The following FAT3 variants were observed in gnomAD, a reference collection of about 807,000 sequenced individuals.
FAT3 encodes the protein protocadherin Fat 3.
A neutral mutation model predicts 310.2 loss-of-function variants in FAT3; 95 were observed. That is an observed-to-expected ratio of 0.31 (90% CI 0.26 to 0.36). The LOEUF is 0.36. Among genes scored for constraint, FAT3 ranks in the 10% least tolerant of loss-of-function variants. FAT3 has a pLI of 1.00. For missense variants in FAT3, 5,408 were observed against 5,715.6 expected, an observed-to-expected ratio of 0.95 and a Z score of 1.74; for synonymous variants, 2,314 against 2,192.9, an observed-to-expected ratio of 1.06 and a Z score of -1.54.
intron 4 of FAT3, among the ~76,000 whole-genome samples, chr11:92,699,968 AG>A (rs1208378397): frequency 5.3e-5 from 8 of 152,324 alleles, no homozygotes; most frequent in African/African-American, 1.7e-4. Context: ...GAAATGCAGA[AG>A]GAGCCCCAGG....
intron 3 of FAT3, among the ~76,000 whole-genome samples, chr11:92,550,785 T>TA (rs1334395266): frequency 6.6e-6 from 1 of 151,570 alleles, no homozygotes; most frequent in East Asian, 2.0e-4. Flanking sequence ...TTTTTTTTTT[T>TA]TAAAAGAGAG....
intron 3 of FAT3, among the ~76,000 whole-genome samples, chr11:92,660,915 G>A (rs1284904645): frequency 6.6e-6 from 1 of 152,146 alleles, no homozygotes; most frequent in East Asian, 1.9e-4. Context: ...TCTTCAAGGT[G>A]GTGATTTATC....
chr11:92,764,187 A>G (rs1946241376), intron 5 of FAT3, among the ~76,000 whole-genome samples: 1 of 151,900 alleles, frequency 6.6e-6, no homozygotes. Context: ...ACCACAGAGG[A>G]GAGTCATTAG....
Position 92,762,188 on chromosome 11 carries a change from C to T in FAT3, c.3984+18C>T. ...TCCTAACGGTAAGATCTTCCAAACT[C>T]CAGCAGCACAGCAGATGGGGGGAAG... On this transcript the variant is annotated intron_variant, in intron 5 of 27. Transcript: ENST00000525166. The T allele has an allele frequency of 8.1e-6, 13 of 1,596,784 alleles. No homozygotes were observed. Among genetic ancestry groups the T allele is most frequent in the Non-Finnish European group, 7.7e-6 (9 of 1,170,260 alleles).
intron 1 of FAT3, among the ~76,000 whole-genome samples, chr11:92,227,174 C>G (rs180938282): frequency 1.1e-4 from 16 of 152,334 alleles, no homozygotes; most frequent in African/African-American, 3.6e-4. Flanking sequence ...AAAACCCAAA[C>G]CACTCGTGGC....
chr11:92,386,606 GTTGT>G lies in FAT3; in HGVS notation c.3292+31204_3292+31207del, dbSNP rs1340697543. Among the ~76,000 whole-genome samples the G allele has an allele frequency of 1.1e-4, 17 of 152,342 alleles. No individual in the cohort carries two copies. In the South Asian group the frequency reaches 3.3e-3, roughly 30 times the overall value. On this transcript the variant is annotated intron_variant, in intron 2 of 27. Transcript: ENST00000525166. ...ACACATCATTAATATTCATTAGATA[GTTGT>G]TGAATGAATGGATGTCAGTCACTGC...
At chr11:92,853,486 T>A (rs1002327183) in intron 19 of FAT3, among the ~76,000 whole-genome samples, 1 of 152,008 alleles carries the variant, frequency 6.6e-6, no homozygotes, top group African/African-American at 2.4e-5. Context: ...AGGGGAGGTG[T>A]TTTTCAGCCC....
chr11:92,761,955 AAGG>A lies in FAT3; in HGVS notation c.3770_3772del (p.Lys1257_Val1258delinsIle). 6.2e-7 allele frequency: 1 copy of A among 1,613,982 alleles called. No individual in the cohort carries two copies. Among genetic ancestry groups the A allele is most frequent in the Non-Finnish European group, 8.5e-7 (1 of 1,179,872 alleles). On this transcript the variant is annotated inframe_deletion, in exon 5 of 28. Transcript: ENST00000525166. The stretch of plus-strand genomic sequence containing the variant: ...TGACAACAAGCCCCAGTTCCCAGAG[AAGG>A]TCTACCAGATCAAGCTGCCAGAACG...
At chr11:92,698,825 G>A (rs1944014567) in intron 4 of FAT3, among the ~76,000 whole-genome samples, 1 of 152,106 alleles carries the variant, frequency 6.6e-6, no homozygotes, top group African/African-American at 2.4e-5. Context: ...CCAGAAGACA[G>A]TCCAGGACAC....
In FAT3 at chr11:92,231,381, G is replaced by A. The variant is rs368955997; in HGVS notation, c.-18+6207G>A. ...CTTCCAGAATGTGAGTGAAAAGGCA[G>A]ACTTTTACCTTGGACGTTCTCTATG... On this transcript the variant is annotated intron_variant, in intron 1 of 27. Transcript: ENST00000525166. 2.6e-5 allele frequency among the ~76,000 whole-genome samples: 4 copies of A among 152,330 alleles called. No homozygotes were observed. The East Asian group carries it at 5.8e-4, about 22-fold the overall frequency.
chr11:92,426,592 A>G (rs1324339251), intron 2 of FAT3, among the ~76,000 whole-genome samples: 1 of 152,154 alleles, frequency 6.6e-6, no homozygotes, highest in Non-Finnish European at 1.5e-5. Context: ...TTTTCTACAT[A>G]TGGCTAGCCA....
chr11:92,818,748 A>G (rs893994991), intron 13 of FAT3, among the ~76,000 whole-genome samples: 2 of 152,190 alleles, frequency 1.3e-5, no homozygotes, highest in African/African-American at 4.8e-5. Flanking sequence ...GCCGACCTCA[A>G]AGCATCAGTG....
chr11:92,647,773 C>CG (rs2135747150), intron 3 of FAT3, among the ~76,000 whole-genome samples: 1 of 152,180 alleles, frequency 6.6e-6, no homozygotes, highest in East Asian at 1.9e-4. Context: ...ACCTCTGGCC[C>CG]TCTAAACAAG....
intron 3 of FAT3, among the ~76,000 whole-genome samples, chr11:92,674,620 T>A (rs1943230401): frequency 1.3e-5 from 2 of 152,068 alleles, no homozygotes; most frequent in Admixed American, 1.3e-4. Flanking sequence ...ACTCCAGGGC[T>A]CAAGTGATTC....
intron 2 of FAT3, chr11:92,400,747 A>G (rs1475257315): frequency 6.6e-6 from 1 of 152,090 alleles, no homozygotes; most frequent in African/African-American, 2.4e-5. Context: ...AATATAATAC[A>G]TAATAAAGTT....
intron 2 of FAT3, among the ~76,000 whole-genome samples, chr11:92,356,452 T>C (rs183598766): frequency 1.6e-4 from 25 of 152,306 alleles, no homozygotes; most frequent in African/African-American, 5.8e-4. Context: ...CTAGGTAGTT[T>C]AAACAACAGA....
At chr11:92,390,276 G>T (rs1446686109) in intron 2 of FAT3, among the ~76,000 whole-genome samples, 1 of 152,168 alleles carries the variant, frequency 6.6e-6, no homozygotes, top group Non-Finnish European at 1.5e-5. Context: ...TAGAAAAGGA[G>T]AGTTAGGTAG....
chr11:92,361,991 C>T (rs945785183), intron 2 of FAT3, among the ~76,000 whole-genome samples: 1 of 152,210 alleles, frequency 6.6e-6, no homozygotes, highest in African/African-American at 2.4e-5. Flanking sequence ...AAGTTCTGTG[C>T]ACACTGCTTT....
At chr11:92,405,981 C>T (rs1168582977) in intron 2 of FAT3, among the ~76,000 whole-genome samples, 2 of 152,112 alleles carry the variant, frequency 1.3e-5, no homozygotes, top group South Asian at 2.1e-4. Flanking sequence ...AAACTGTGAA[C>T]ATTTTGAAAC....
Sources: allele counts gnomAD v4.1 joint callset (sites outside exome capture counted in the v4.1 genomes callset), GRCh38; gene constraint gnomAD v4.1.1; transcripts MANE v1.5; gene names NCBI Gene and HGNC (gene_info 2026-07-23, HGNC 2026-07-21).